SLC4A7: variants seen among roughly 807,000 people sequenced by gnomAD.
The protein encoded by SLC4A7 is sodium bicarbonate cotransporter 3.
SLC4A7 carries 51 observed loss-of-function variants against 137.6 expected under a neutral mutation model. The observed-to-expected ratio is 0.37, with a 90% CI of 0.30 to 0.47. The LOEUF is 0.47. Among genes scored for constraint, SLC4A7 ranks in the 20% least tolerant of loss-of-function variants. The probability of loss-of-function intolerance (pLI) is 1.00; values close to 1 mark genes in which losing one functional copy is unlikely to be tolerated. For synonymous variants in SLC4A7, 542 were observed against 518.6 expected, an observed-to-expected ratio of 1.05 and a Z score of -0.61; for missense variants, 1,247 against 1,525.4, an observed-to-expected ratio of 0.82 and a Z score of 3.04.
At chr3:27,458,326 C>T (rs1189510702) in intron 1 of SLC4A7, among the ~76,000 whole-genome samples, 1 of 152,090 alleles carries the variant, frequency 6.6e-6, no homozygotes, top group Non-Finnish European at 1.5e-5. Context: ...AGTCTTACTA[C>T]CCAGCTCATC....
Position 27,457,041 on chromosome 3 carries a change from G to T in SLC4A7, c.61-4543C>A, listed in dbSNP as rs186324000. 4.0e-4 allele frequency: 215 copies of T among 533,230 alleles called. 1 individual carries two copies. The African/African-American group carries it at 4.2e-3, about 10-fold the overall frequency. The allele number at this position is 533,230 out of a possible 1,614,324, so 33.0% of individuals were successfully genotyped here. ...ATGTGGATGGATGTGTGAGAGTATG[G>T]TTTATAATTATCATTGTAACCAAAA... On this transcript the variant is annotated intron_variant, in intron 1 of 25. Coordinates refer to ENST00000454389, the MANE Select transcript of SLC4A7 (RefSeq NM_001321103.2).
intron 3 of SLC4A7, among the ~76,000 whole-genome samples, chr3:27,445,843 A>G (rs1268682177): frequency 1.4e-5 from 2 of 143,942 alleles, no homozygotes; most frequent in Non-Finnish European, 3.0e-5. Flanking sequence ...GAGGCAGGAG[A>G]ATTGCTTGAA....
In SLC4A7 at chr3:27,375,286, G is replaced by C. The variant is rs1372020652; in HGVS notation, c.*1478C>G. On this transcript the variant is annotated 3_prime_UTR_variant, in exon 26 of 26. Coordinates refer to ENST00000454389, the MANE Select transcript of SLC4A7 (RefSeq NM_001321103.2). Reference sequence around the variant, plus strand: ...ATTTCATAAAATTTTCATCCTAATAGTGATGTCACCATTTTTGATATTTCT... The same window carrying C: ...ATTTCATAAAATTTTCATCCTAATACTGATGTCACCATTTTTGATATTTCT... The C allele has an allele frequency of 6.6e-6, 1 of 151,942 alleles. No homozygotes were observed. Among genetic ancestry groups the C allele is most frequent in the East Asian group, 1.9e-4 (1 of 5,194 alleles). 9.4% of individuals were successfully genotyped at this position (151,942 alleles called of 1,614,324 possible). A position where few individuals can be genotyped will look rare whatever the true frequency, so the allele number is the denominator to read the frequency against.
intron 5 of SLC4A7, among the ~76,000 whole-genome samples, 161 bp downstream of exon 5, chr3:27,436,227 G>A (rs753686369): frequency 6.6e-6 from 1 of 151,954 alleles, no homozygotes; most frequent in Non-Finnish European, 1.5e-5. Flanking sequence ...CACTTATGTC[G>A]GTTTAATTTA....
chr3:27,437,435 T>C lies in SLC4A7; in HGVS notation c.381A>G (p.Glu127=). The C allele has an allele frequency of 1.2e-6, 2 of 1,603,960 alleles. No individual in the cohort carries two copies. The highest frequency in any genetic ancestry group is 8.5e-7 in the Non-Finnish European group (1 of 1,174,200). ...IPHDLFTEMD[E]LCYRDGEEYE... ...ATTCTTCTCCATCTCTGTAACACAG[T>C]TCATCCATTTCCGTGAAGAGATCAT... The change falls in exon 4 of 26, where the codon GAA becomes GAG. Residue 127 remains glutamate (E), a synonymous_variant. Coordinates refer to ENST00000454389, the MANE Select transcript of SLC4A7 (RefSeq NM_001321103.2).
chr3:27,386,737 C>G (rs1435429297), intron 22 of SLC4A7, among the ~76,000 whole-genome samples: 2 of 152,094 alleles, frequency 1.3e-5, no homozygotes, highest in Non-Finnish European at 2.9e-5. Flanking sequence ...TCAAATATAG[C>G]ATATCTTCCT....
At chr3:27,389,336 A>G (rs2051295091) in intron 22 of SLC4A7, among the ~76,000 whole-genome samples, 1 of 151,976 alleles carries the variant, frequency 6.6e-6, no homozygotes, top group Admixed American at 6.6e-5. Context: ...TCCATTATTT[A>G]TTTCTAATTT....
intron 1 of SLC4A7, among the ~76,000 whole-genome samples, chr3:27,468,456 C>A (rs2059099544): frequency 6.6e-6 from 1 of 152,140 alleles, no homozygotes; most frequent in South Asian, 2.1e-4. Flanking sequence ...ACACCGGTCA[C>A]ACTCAGTCAA....
intron 1 of SLC4A7, among the ~76,000 whole-genome samples, chr3:27,469,051 G>A (rs957377820): frequency 6.6e-5 from 10 of 151,798 alleles, no homozygotes; most frequent in Non-Finnish European, 1.5e-4. Context: ...AGGTTGCAGT[G>A]AGCTGATTTT....
intron 15 of SLC4A7, among the ~76,000 whole-genome samples, chr3:27,402,246 T>C (rs529303921): frequency 6.2e-4 from 95 of 152,366 alleles, no homozygotes; most frequent in African/African-American, 1.8e-3. Flanking sequence ...TAAAAGCCTA[T>C]TTTACACTTA....
At chr3:27,464,838 G>T (rs907132978) in intron 1 of SLC4A7, among the ~76,000 whole-genome samples, 1 of 152,164 alleles carries the variant, frequency 6.6e-6, no homozygotes. Flanking sequence ...CATTTGCAGT[G>T]GGGGAAGAGC....
chr3:27,420,891 CT>C, intron 9 of SLC4A7, 104 bp from the exon 10 acceptor site: 1 of 721,080 alleles, frequency 1.4e-6, no homozygotes, highest in South Asian at 1.9e-5. Flanking sequence ...AGAAACAACA[CT>C]CAGACATCTT....
chr3:27,378,094 T>C (rs571470782), intron 25 of SLC4A7, among the ~76,000 whole-genome samples: 1 of 152,300 alleles, frequency 6.6e-6, no homozygotes, highest in South Asian at 2.1e-4. Flanking sequence ...CTGTACTGAA[T>C]GATCCAAAAT....
intron 14 of SLC4A7, among the ~76,000 whole-genome samples, chr3:27,403,877 T>A (rs752936063): frequency 5.3e-5 from 8 of 152,176 alleles, no homozygotes; most frequent in Non-Finnish European, 1.0e-4. Flanking sequence ...GATTTCTTAT[T>A]TTAAACTTCA....
intron 25 of SLC4A7, 141 bp from the exon 26 acceptor site, chr3:27,376,986 A>G: frequency 2.8e-6 from 1 of 363,336 alleles, no homozygotes; most frequent in South Asian, 1.2e-4. Flanking sequence ...TAGCTTTTCT[A>G]AATCAATAAA....
At chr3:27,406,166 G>A (rs952039362) in intron 13 of SLC4A7, among the ~76,000 whole-genome samples, 1 of 152,184 alleles carries the variant, frequency 6.6e-6, no homozygotes, top group East Asian at 1.9e-4. Context: ...AAGACTGACT[G>A]CTACTAGGTG....
At chr3:27,482,673 G>A (rs2150772022) in intron 1 of SLC4A7, among the ~76,000 whole-genome samples, 1 of 152,312 alleles carries the variant, frequency 6.6e-6, no homozygotes, top group Non-Finnish European at 1.5e-5. Context: ...TCCGGAGGCT[G>A]AGGCGGGAGA....
At chr3:27,460,196 G>A (rs1035655459) in intron 1 of SLC4A7, among the ~76,000 whole-genome samples, 6 of 151,928 alleles carry the variant, frequency 3.9e-5, no homozygotes, top group Admixed American at 3.3e-4. Flanking sequence ...ACTACGCTCA[G>A]CTAATTTTTA....
intron 1 of SLC4A7, among the ~76,000 whole-genome samples, chr3:27,457,601 T>G (rs1050100835): frequency 1.3e-5 from 2 of 152,176 alleles, no homozygotes; most frequent in African/African-American, 4.8e-5. Flanking sequence ...TCTGAAACCA[T>G]TCCAAATGAA....
Sources: allele counts gnomAD v4.1 joint callset (sites outside exome capture counted in the v4.1 genomes callset), GRCh38; gene constraint gnomAD v4.1.1; transcripts MANE v1.5; gene names NCBI Gene and HGNC (gene_info 2026-07-23, HGNC 2026-07-21).